The following CTNND2 variants were observed in gnomAD, a reference collection of about 807,000 sequenced individuals.
The protein encoded by CTNND2 is catenin delta 2.
CTNND2 carries 22 observed loss-of-function variants against 144.4 expected under a neutral mutation model. The ratio of observed to expected loss-of-function variants is 0.15; its 90% CI spans 0.11 to 0.22. The LOEUF (loss-of-function observed/expected upper bound fraction) is 0.22. CTNND2 is among the 10% of genes least tolerant of loss of function. The pLI, the probability that CTNND2 is intolerant of heterozygous loss-of-function variation, is 1.00. For missense variants in CTNND2, 1,353 were observed against 1,618.8 expected (o/e 0.84, Z 2.82); for synonymous variants, 751 against 695.6 (o/e 1.08, Z -1.25).
At chr5:11,296,436 T>G (rs894000082) in intron 9 of CTNND2, among the ~76,000 whole-genome samples, 116 of 152,246 alleles carry the variant, frequency 7.6e-4, no homozygotes, top group African/African-American at 2.2e-3. Context: ...AATTCCTCAG[T>G]GATCTAGAAC....
chr5:11,846,259 T>C (rs1794731161), intron 1 of CTNND2, among the ~76,000 whole-genome samples: 1 of 152,180 alleles, frequency 6.6e-6, no homozygotes. Flanking sequence ...ATATGGGCTG[T>C]CAGTTTGAGA....
At chr5:11,638,043 T>C (rs903351581) in intron 2 of CTNND2, among the ~76,000 whole-genome samples, 1 of 152,194 alleles carries the variant, frequency 6.6e-6, no homozygotes, top group Non-Finnish European at 1.5e-5. Context: ...ATCACGTAAA[T>C]TAGCTTCAGA....
At chr5:11,634,042 C>G (rs1049460763) in intron 2 of CTNND2, among the ~76,000 whole-genome samples, 4 of 152,160 alleles carry the variant, frequency 2.6e-5, no homozygotes, top group African/African-American at 9.7e-5. Context: ...CTGCACACAG[C>G]TCTCTGCCCC....
At chr5:11,571,319 GCCTT>G (rs749937200) in intron 2 of CTNND2, among the ~76,000 whole-genome samples, 11 of 152,154 alleles carry the variant, frequency 7.2e-5, no homozygotes, top group African/African-American at 2.2e-4. Context: ...TGTTAGCTGT[GCCTT>G]CCAGGAGAAC....
intron 1 of CTNND2, among the ~76,000 whole-genome samples, chr5:11,864,291 C>T (rs1174361045): frequency 6.6e-6 from 1 of 151,978 alleles, no homozygotes; most frequent in East Asian, 1.9e-4. Flanking sequence ...GCTGTTCTTC[C>T]TAGAAAGTTC....
At chr5:11,420,099 C>A (rs117697440) in intron 3 of CTNND2, among the ~76,000 whole-genome samples, 5 of 151,962 alleles carry the variant, frequency 3.3e-5, no homozygotes, top group Non-Finnish European at 5.9e-5. Context: ...CCGAGGCGGG[C>A]GATCACAAGA....
intron 1 of CTNND2, among the ~76,000 whole-genome samples, chr5:11,829,726 C>G (rs1793793850): frequency 6.6e-6 from 1 of 152,196 alleles, no homozygotes; most frequent in Non-Finnish European, 1.5e-5. Flanking sequence ...GTCAGAGGCC[C>G]CATACAGAGT....
At chr5:11,711,375 G>T (rs1295837853) in intron 2 of CTNND2, among the ~76,000 whole-genome samples, 2 of 152,040 alleles carry the variant, frequency 1.3e-5, no homozygotes, top group South Asian at 4.2e-4. Flanking sequence ...TAATTTGATA[G>T]CATTTTTTTA....
In CTNND2 at chr5:11,150,747, C is replaced by T. The variant is rs571334145; in HGVS notation, c.2159+8829G>A. ...GTTCAAGCAATTCTCCTGCCTCAGA[C>T]TCCTGAGTAGCTGGGATTACAGGTG... is the stretch of plus-strand genomic sequence containing the variant. On this transcript the variant is annotated intron_variant, in intron 12 of 21. Transcript: ENST00000304623. Among the ~76,000 whole-genome samples, 43 of 150,636 alleles carry T rather than the reference C, an allele frequency of 2.9e-4. No homozygotes were observed. In the South Asian group the frequency reaches 8.7e-3, roughly 31 times the overall value.
At chr5:11,450,077 A>C (rs1247187210) in intron 3 of CTNND2, among the ~76,000 whole-genome samples, 7 of 152,226 alleles carry the variant, frequency 4.6e-5, no homozygotes, top group Non-Finnish European at 8.8e-5. Flanking sequence ...TGGCTTGTCT[A>C]TACTGAACTG....
chr5:11,148,161 C>T (rs922377762), intron 12 of CTNND2, among the ~76,000 whole-genome samples: 4 of 152,132 alleles, frequency 2.6e-5, no homozygotes, highest in African/African-American at 9.7e-5. Flanking sequence ...ATTGCCAGGG[C>T]CTGGGCAAGG....
At chr5:11,224,939 G>C (rs919042619) in intron 10 of CTNND2, among the ~76,000 whole-genome samples, 5 of 151,910 alleles carry the variant, frequency 3.3e-5, no homozygotes, top group African/African-American at 9.7e-5. Flanking sequence ...GGCTACTGTA[G>C]GTTACTGGGC....
At chr5:11,871,489 T>C (rs1003761556) in intron 1 of CTNND2, among the ~76,000 whole-genome samples, 6 of 152,332 alleles carry the variant, frequency 3.9e-5, no homozygotes, top group Admixed American at 1.3e-4. Flanking sequence ...AAATAAAGAC[T>C]GTAAAGAGCT....
chr5:11,764,671 A>G (rs1789478162), intron 1 of CTNND2, among the ~76,000 whole-genome samples: 1 of 152,178 alleles, frequency 6.6e-6, no homozygotes, highest in African/African-American at 2.4e-5. Flanking sequence ...TGGTTTCTTC[A>G]ACTTGTAACC....
chr5:11,602,721 ATT>A (rs1363581832), intron 2 of CTNND2, among the ~76,000 whole-genome samples: 3 of 145,050 alleles, frequency 2.1e-5, no homozygotes, highest in Non-Finnish European at 4.5e-5. Flanking sequence ...TATATTATAT[ATT>A]TTATATGTAA....
At chr5:11,850,948 T>G (rs1396052543) in intron 1 of CTNND2, among the ~76,000 whole-genome samples, 1 of 152,222 alleles carries the variant, frequency 6.6e-6, no homozygotes, top group Non-Finnish European at 1.5e-5. Flanking sequence ...TGATTAATAG[T>G]TACAATCAGC....
Position 11,182,056 on chromosome 5 carries a change from T to G in CTNND2, c.1975+17392A>C, listed in dbSNP as rs553036096. On this transcript the variant is annotated intron_variant, in intron 11 of 21. Transcript: ENST00000304623. ...ATGTGTGGTGTGTGTGGGGTGTGTG[T>G]GGGGGGTGTGTGTGGTGTGTGTGGT... 1.2e-4 allele frequency among the ~76,000 whole-genome samples: 15 copies of G among 123,864 alleles called. No individual in the cohort carries two copies. The South Asian group carries it at 1.7e-3, about 14-fold the overall frequency. The allele number at this position is 123,864 out of a possible 152,430, so 81.3% of individuals were successfully genotyped here. A position where few individuals can be genotyped will look rare whatever the true frequency, so the allele number is the denominator to read the frequency against.
chr5:11,008,420 G>C (rs1011638256), intron 18 of CTNND2, among the ~76,000 whole-genome samples: 6 of 152,168 alleles, frequency 3.9e-5, no homozygotes, highest in East Asian at 3.9e-4. Context: ...TCAAAGATGC[G>C]GTACTGCTGC....
chr5:11,834,446 A>C (rs922020523), intron 1 of CTNND2, among the ~76,000 whole-genome samples: 2 of 152,208 alleles, frequency 1.3e-5, no homozygotes, highest in Non-Finnish European at 2.9e-5. Context: ...TCACCAAAAA[A>C]TGGTAAGTAT....
Sources: allele counts gnomAD v4.1 joint callset (sites outside exome capture counted in the v4.1 genomes callset), GRCh38; gene constraint gnomAD v4.1.1; transcripts MANE v1.5; gene names NCBI Gene and HGNC (gene_info 2026-07-23, HGNC 2026-07-21).